Variants in GNPTG observed in about 807,000 individuals in gnomAD.
The protein encoded by GNPTG is N-acetylglucosamine-1-phosphotransferase subunit gamma.
GNPTG carries 46 observed loss-of-function variants against 43.8 expected under a neutral mutation model. The ratio of observed to expected loss-of-function variants is 1.05; its 90% CI spans 0.83 to 1.34. The LOEUF (loss-of-function observed/expected upper bound fraction) is 1.34. GNPTG is among the 40% of genes most tolerant of loss of function. The pLI, the probability that GNPTG is intolerant of heterozygous loss-of-function variation, is 0.00. For synonymous variants in GNPTG, 250 were observed against 172.8 expected, an observed-to-expected ratio of 1.45 and a Z score of -3.50; for missense variants, 549 against 411.3, an observed-to-expected ratio of 1.33 and a Z score of -2.90.
At chr16:1,362,409 G>A (rs754601335) in intron 7 of GNPTG, 43 bp from the exon 8 acceptor site, 2 of 1,612,240 alleles carry the variant, frequency 1.2e-6, no homozygotes, top group Non-Finnish European at 1.7e-6. Context: ...GCCAGGGTTG[G>A]GACATGGGGT....
At chr16:1,360,332 T>G (rs1039383982) in intron 3 of GNPTG, among the ~76,000 whole-genome samples, 1 of 152,174 alleles carries the variant, frequency 6.6e-6, no homozygotes, top group Admixed American at 6.5e-5. Flanking sequence ...AAATCTGAAG[T>G]TAGTCTTTCA....
chr16:1,362,368 C>T lies in GNPTG; in HGVS notation c.526+48C>T, dbSNP rs951695444. The stretch of plus-strand genomic sequence containing the variant: ...AGCCCAGTGGGGTCAGCCGCGCACG[C>T]AGCCCTGCTGGAGGCCCTGTAGTGC... On this transcript the variant is annotated intron_variant, in intron 7 of 10. Transcript: ENST00000204679. 15 of 1,608,436 alleles carry T rather than the reference C, an allele frequency of 9.3e-6. No individual in the cohort carries two copies. In the African/African-American group the frequency reaches 1.3e-4, roughly 14 times the overall value.
chr16:1,352,414 G>A (rs1444634531), intron 3 of GNPTG, 108 bp downstream of exon 3: 5 of 1,111,744 alleles, frequency 4.5e-6, no homozygotes, highest in Non-Finnish European at 6.7e-6. Context: ...TAAAGCATTG[G>A]TTTGTCAGCC....
At position 1,363,356 on chromosome 16, in the gene GNPTG, C is replaced by T. The variant is rs1205668717; in HGVS notation, c.*265C>T. The T allele has an allele frequency of 4.3e-6, 2 of 467,884 alleles. No individual in the cohort carries two copies. The highest frequency in any genetic ancestry group is 7.9e-6 in the Non-Finnish European group (2 of 254,610). 29.0% of individuals were successfully genotyped at this position (467,884 alleles called of 1,614,324 possible). The stretch of plus-strand genomic sequence containing the variant: ...AGTAAATGATTATAAATACTACCTT[C>T]TGGGTTAAGAAAATTCCATTCAAAT... On this transcript the variant is annotated 3_prime_UTR_variant, in exon 11 of 11. Transcript: ENST00000204679.
chr16:1,352,176 G>C lies in GNPTG; in HGVS notation c.110+17G>C, dbSNP rs761328581. On this transcript the variant is annotated intron_variant, in intron 2 of 10. Coordinates refer to ENST00000204679, the MANE Select transcript of GNPTG (RefSeq NM_032520.5). The stretch of plus-strand genomic sequence containing the variant: ...CGCGTTTGGGTGAGCAGCCTCGCGG[G>C]CTGGCGGCTCGAGCGGGGGACGGCC... The C allele has an allele frequency of 6.4e-7, 1 of 1,566,522 alleles. No homozygotes were observed. The highest frequency in any genetic ancestry group is 1.9e-5 in the Admixed American group (1 of 52,728).
intron 3 of GNPTG, among the ~76,000 whole-genome samples, chr16:1,359,419 C>A (rs2034832921): frequency 6.6e-6 from 1 of 152,022 alleles, no homozygotes; most frequent in South Asian, 2.1e-4. Flanking sequence ...CAGGCATCCG[C>A]CATCACGCCT....
rs748861038 is a variant in GNPTG, at chr16:1,362,680, C to G, written c.679C>G (p.Pro227Ala). The G allele has an allele frequency of 6.2e-7, 1 of 1,614,060 alleles. No homozygotes were observed. Among genetic ancestry groups the G allele is most frequent in the Admixed American group, 1.7e-5 (1 of 60,016 alleles). The change falls in exon 9 of 11, where the codon CCC (proline) becomes GCC (alanine). Residue 227 changes from proline (P) to alanine (A), a missense_variant. By Grantham distance (27) the Pro-to-Ala change is conservative (BLOSUM62 -1). Coordinates refer to ENST00000204679, the MANE Select transcript of GNPTG (RefSeq NM_032520.5). Reference sequence around the variant, plus strand: ...CTTAAAGACCCCAGAAGAAAATGAACCCACCCAGCTGGAGGGAGGTCCTGA... The same window carrying G: ...CTTAAAGACCCCAGAAGAAAATGAAGCCACCCAGCTGGAGGGAGGTCCTGA... Reference protein sequence around the residue: ...GYLKTPEENEPTQLEGGPDSL... With the variant: ...GYLKTPEENEATQLEGGPDSL...
At position 1,362,258 on chromosome 16, in the gene GNPTG, G is replaced by A. The variant is rs113388753; in HGVS notation, c.464G>A (p.Ser155Asn). 3 of 1,613,506 alleles carry A rather than the reference G, an allele frequency of 1.9e-6. No homozygotes were observed. The African/African-American group carries it at 4.0e-5, about 21-fold the overall frequency. Residue 155 changes from serine to asparagine, a missense_variant, in exon 7 of 11, where the codon AGC (serine) becomes AAC (asparagine). Coordinates refer to ENST00000204679, the MANE Select transcript of GNPTG (RefSeq NM_032520.5). ...CGGCTGGCCCATGTGTCCGAGCCGA[G>A]CACCTGCGTCTACGCGCTGACGTTC... The part of the protein sequence containing the change: ...SNRLAHVSEP[S>N]TCVYALTFET...
In GNPTG at chr16:1,361,868, C is replaced by G; in HGVS notation, c.234-4C>G. ...GACCCCCCTCATGCCATCTGTGTCC[C>G]CAGGTACAAGTATGAGTTCTGCCCG... On this transcript the variant is annotated splice_polypyrimidine_tract_variant and splice_region_variant and intron_variant, in intron 4 of 10. Transcript: ENST00000204679. The G allele has an allele frequency of 6.2e-7, 1 of 1,613,914 alleles. No individual in the cohort carries two copies. The highest frequency in any genetic ancestry group is 8.5e-7 in the Non-Finnish European group (1 of 1,180,026).
At chr16:1,361,643 C>T (rs2141861438) in intron 3 of GNPTG, 100 bp from the exon 4 acceptor site, 1 of 1,277,386 alleles carries the variant, frequency 7.8e-7, no homozygotes, top group East Asian at 2.5e-5. Context: ...GACTCCATCT[C>T]AAAAAAAAAG....
chr16:1,362,563 T>G (rs774852659), intron 8 of GNPTG, 29 bp downstream of exon 8: 2 of 1,614,112 alleles, frequency 1.2e-6, no homozygotes, highest in Admixed American at 3.3e-5. Context: ...TGGCCCCTGG[T>G]GGGCCTGGCT....
At chr16:1,362,927 G>C (rs962844284) in intron 10 of GNPTG, 21 bp downstream of exon 10, 1 of 1,613,892 alleles carries the variant, frequency 6.2e-7, no homozygotes, top group Non-Finnish European at 8.5e-7. Context: ...TGTGGGGAGA[G>C]GGCCAGGCTC....
intron 3 of GNPTG, chr16:1,361,489 A>G: frequency 4.5e-6 from 2 of 445,208 alleles, no homozygotes; most frequent in Non-Finnish European, 8.3e-6. Context: ...CTAAAAATAC[A>G]AAAAATTAGC....
chr16:1,361,564 A>T (rs1308048961), intron 3 of GNPTG, 179 bp from the exon 4 acceptor site: 2 of 651,602 alleles, frequency 3.1e-6, no homozygotes, highest in African/African-American at 3.6e-5. Context: ...GAATGGCGTG[A>T]ACATGGGAGG....
Position 1,362,187 on chromosome 16 carries a change from A to C in GNPTG, c.412-19A>C. On this transcript the variant is annotated intron_variant, in intron 6 of 10. Coordinates refer to ENST00000204679, the MANE Select transcript of GNPTG (RefSeq NM_032520.5). ...GGGCCCCAGTCTCCCCAACCCACCT[A>C]CCCACGTTCCCTCCCCAGGTGGAGC... 1 of 1,613,170 alleles carries C rather than the reference A, an allele frequency of 6.2e-7. No individual in the cohort carries two copies. Among genetic ancestry groups the C allele is most frequent in the South Asian group, 1.1e-5 (1 of 91,068 alleles).
chr16:1,352,281 C>A lies in GNPTG; in HGVS notation c.153C>A (p.Ala51=). Residue 51 remains alanine (A), a synonymous_variant, in exon 3 of 11, where the codon GCC becomes GCA. Coordinates refer to ENST00000204679, the MANE Select transcript of GNPTG (RefSeq NM_032520.5). Reference sequence around the variant, plus strand: ...TGCCTCAGGCCAGTCGCCTCCAGGCCAAGAGGGATCCTTCACCCGTGTCTG... The same window carrying A: ...TGCCTCAGGCCAGTCGCCTCCAGGCAAAGAGGGATCCTTCACCCGTGTCTG... The part of the protein sequence containing the change: ...PFLPQASRLQ[A]KRDPSPVSGP... 6.5e-7 allele frequency: 1 copy of A among 1,548,380 alleles called. No homozygotes were observed. The highest frequency in any genetic ancestry group is 1.2e-5 in the South Asian group (1 of 83,970).
At chr16:1,361,820 G>A (rs2034887066) in intron 4 of GNPTG, 23 bp downstream of exon 4, 1 of 1,613,912 alleles carries the variant, frequency 6.2e-7, no homozygotes, top group South Asian at 1.1e-5. Flanking sequence ...TGGGTGCGAG[G>A]GTGGGCTGGG....
chr16:1,362,339 G>C lies in GNPTG; in HGVS notation c.526+19G>C, dbSNP rs1285387143. On this transcript the variant is annotated intron_variant, in intron 7 of 10. Transcript: ENST00000204679. ...TTGCTAGGTAGGGGTGCGGGACGCA[G>C]TTGAGCCCAGTGGGGTCAGCCGCGC... is the stretch of plus-strand genomic sequence containing the variant. 3 of 1,611,698 alleles carry C rather than the reference G, an allele frequency of 1.9e-6. No individual in the cohort carries two copies. The highest frequency in any genetic ancestry group is 2.5e-6 in the Non-Finnish European group (3 of 1,178,952).
At position 1,361,954 on chromosome 16, in the gene GNPTG, G is replaced by A. The variant is rs137852885; in HGVS notation, c.316G>A (p.Gly106Ser). The A allele has an allele frequency of 2.0e-5, 32 of 1,613,376 alleles. No homozygotes were observed. Among genetic ancestry groups the A allele is most frequent in the Non-Finnish European group, 2.5e-5 (30 of 1,180,052 alleles). ...FRWNAYSGIL[G>S]IWHEWEIANN... ...CTGGAACGCCTACAGTGGGATCCTC[G>A]GGTGAGTGGGGCCGGGGCAGGGATC... The change falls in exon 5 of 11, where the codon GGC becomes AGC. Residue 106 changes from glycine to serine, a missense_variant and splice_region_variant. Transcript: ENST00000204679.
Sources: allele counts gnomAD v4.1 joint callset (sites outside exome capture counted in the v4.1 genomes callset), GRCh38; gene constraint gnomAD v4.1.1; transcripts MANE v1.5; gene names NCBI Gene and HGNC (gene_info 2026-07-23, HGNC 2026-07-21).